HUNK: variants seen among roughly 807,000 people sequenced by gnomAD.
HUNK encodes hormonally up-regulated Neu-associated kinase.
HUNK carries 21 observed loss-of-function variants against 61.0 expected under a neutral mutation model. The ratio of observed to expected loss-of-function variants is 0.34; its 90% CI spans 0.24 to 0.50. The LOEUF is 0.50. Ranked by LOEUF, HUNK falls within the 20% of genes least tolerant of loss-of-function variation. The probability of loss-of-function intolerance (pLI) is 0.98; values close to 1 mark genes in which losing one functional copy is unlikely to be tolerated. For missense variants in HUNK, 772 were observed against 945.7 expected, an observed-to-expected ratio of 0.82 and a Z score of 2.41; for synonymous variants, 371 against 386.1, an observed-to-expected ratio of 0.96 and a Z score of 0.46.
chr21:31,882,805 C>T (rs1219562975), intron 1 of HUNK, among the ~76,000 whole-genome samples: 1 of 152,114 alleles, frequency 6.6e-6, no homozygotes, highest in Non-Finnish European at 1.5e-5. Flanking sequence ...TTCATCCATC[C>T]CTCCCACCCA....
intron 1 of HUNK, among the ~76,000 whole-genome samples, chr21:31,905,716 G>C (rs2052500468): frequency 6.6e-6 from 1 of 152,176 alleles, no homozygotes; most frequent in Admixed American, 6.5e-5. Context: ...TGTACAGACG[G>C]ACACCATAAA....
chr21:31,891,250 C>G lies in HUNK; in HGVS notation c.261+17315C>G, dbSNP rs143332899. On this transcript the variant is annotated intron_variant, in intron 1 of 10. Coordinates refer to ENST00000270112, the MANE Select transcript of HUNK (RefSeq NM_014586.2). The stretch of plus-strand genomic sequence containing the variant: ...AAATTAGCTGGGCGTGGTGGCCCAC[C>G]CCTGCAATCCCAGCTACTTGGGTGG... 4.6e-5 allele frequency among the ~76,000 whole-genome samples: 7 copies of G among 152,286 alleles called. No homozygotes were observed. In the East Asian group the frequency reaches 1.2e-3, roughly 25 times the overall value.
chr21:31,986,176 A>G (rs571209341), intron 8 of HUNK, among the ~76,000 whole-genome samples: 1 of 152,126 alleles, frequency 6.6e-6, no homozygotes, highest in African/African-American at 2.4e-5. Flanking sequence ...TCTTGAATCT[A>G]GCACGCTCTG....
chr21:31,933,330 TCTC>T (rs1247807500), intron 2 of HUNK, among the ~76,000 whole-genome samples: 3 of 152,228 alleles, frequency 2.0e-5, no homozygotes, highest in Non-Finnish European at 4.4e-5. Context: ...GCCATTCTCT[TCTC>T]CTTCACATTT....
chr21:31,993,143 C>T (rs2053182239), intron 9 of HUNK, among the ~76,000 whole-genome samples: 1 of 152,100 alleles, frequency 6.6e-6, no homozygotes, highest in Non-Finnish European at 1.5e-5. Context: ...GCTTTCTGCT[C>T]ATTGCCAAAT....
intron 1 of HUNK, among the ~76,000 whole-genome samples, chr21:31,893,456 G>C (rs1481056267): frequency 2.6e-5 from 4 of 152,168 alleles, no homozygotes; most frequent in African/African-American, 9.7e-5. Flanking sequence ...CTATGCCAAA[G>C]AACTCTAATT....
chr21:31,899,426 C>A (rs1339277673), intron 1 of HUNK, among the ~76,000 whole-genome samples: 1 of 152,176 alleles, frequency 6.6e-6, no homozygotes, highest in South Asian at 2.1e-4. Context: ...ATTCGCGTGA[C>A]CTTTGCTGTG....
At chr21:31,944,405 C>A (rs73193429) in intron 3 of HUNK, among the ~76,000 whole-genome samples, 10,972 of 152,248 alleles carry the variant, frequency 0.072, 494 homozygotes, top group African/African-American at 0.11. Flanking sequence ...AAAATATTCA[C>A]CCCCTTTTCT....
chr21:31,966,435 G>T (rs1311699468), intron 5 of HUNK, among the ~76,000 whole-genome samples: 2 of 152,146 alleles, frequency 1.3e-5, no homozygotes, highest in Admixed American at 1.3e-4. Flanking sequence ...TTTCCTTTGG[G>T]TAGATACCCA....
intron 2 of HUNK, among the ~76,000 whole-genome samples, chr21:31,925,277 A>G: frequency 6.6e-6 from 1 of 152,218 alleles, no homozygotes; most frequent in East Asian, 1.9e-4. Context: ...AACCTCTCTG[A>G]GCCTTGGTCT....
intron 1 of HUNK, among the ~76,000 whole-genome samples, chr21:31,911,323 G>T (rs891934050): frequency 6.6e-6 from 1 of 152,166 alleles, no homozygotes; most frequent in Non-Finnish European, 1.5e-5. Context: ...TAGCCTCGGG[G>T]CACAGGGGTT....
intron 8 of HUNK, among the ~76,000 whole-genome samples, chr21:31,989,669 G>C (rs1296937746): frequency 6.8e-6 from 1 of 147,542 alleles, no homozygotes; most frequent in African/African-American, 2.5e-5. Flanking sequence ...AGCCAAGGTC[G>C]TGCTACTGCA....
chr21:31,949,376 A>G (rs569304751), intron 4 of HUNK, among the ~76,000 whole-genome samples: 1 of 152,292 alleles, frequency 6.6e-6, no homozygotes, highest in Non-Finnish European at 1.5e-5. Flanking sequence ...ATGCCAGTGG[A>G]TCAGAGTTGT....
At chr21:31,885,311 AG>A (rs1463631814) in intron 1 of HUNK, among the ~76,000 whole-genome samples, 1 of 152,174 alleles carries the variant, frequency 6.6e-6, no homozygotes, top group African/African-American at 2.4e-5. Flanking sequence ...GCACTCTTCG[AG>A]GGGCTCTGTC....
At chr21:31,984,135 C>T (rs1312351070) in intron 8 of HUNK, among the ~76,000 whole-genome samples, 1 of 152,066 alleles carries the variant, frequency 6.6e-6, no homozygotes, top group Non-Finnish European at 1.5e-5. Context: ...GAAATTACGG[C>T]TAGACAGAAG....
intron 1 of HUNK, among the ~76,000 whole-genome samples, chr21:31,921,211 A>G (rs1290732078): frequency 6.6e-6 from 1 of 151,558 alleles, no homozygotes; most frequent in Non-Finnish European, 1.5e-5. Context: ...TAGAGGAGAT[A>G]ATACATTATG....
intron 1 of HUNK, among the ~76,000 whole-genome samples, chr21:31,890,760 G>C (rs1279188239): frequency 6.6e-6 from 1 of 152,150 alleles, no homozygotes; most frequent in South Asian, 2.1e-4. Flanking sequence ...CTTCAGAAAG[G>C]TTGTACCAAG....
intron 1 of HUNK, among the ~76,000 whole-genome samples, chr21:31,901,774 T>C (rs971142546): frequency 2.0e-5 from 3 of 152,180 alleles, no homozygotes; most frequent in Non-Finnish European, 2.9e-5. Flanking sequence ...ATTATGCTTT[T>C]AAAGTGACAA....
rs980250375 is a variant in HUNK, at chr21:31,917,004, A to C, written c.262-7464A>C. On this transcript the variant is annotated intron_variant, in intron 1 of 10. Transcript: ENST00000270112. ...TTTCCTCTCTTTCTGTCTCTCCTGC[A>C]TCTTGTATTTCGTTATCTCTGTAGC... is the stretch of plus-strand genomic sequence containing the variant. Among the ~76,000 whole-genome samples, 4 of 151,940 alleles carry C rather than the reference A, an allele frequency of 2.6e-5. No individual in the cohort carries two copies. The South Asian group carries it at 6.3e-4, about 24-fold the overall frequency.
Sources: allele counts gnomAD v4.1 joint callset (sites outside exome capture counted in the v4.1 genomes callset), GRCh38; gene constraint gnomAD v4.1.1; transcripts MANE v1.5; gene names NCBI Gene and HGNC (gene_info 2026-07-23, HGNC 2026-07-21).